The following SEPTIN6 variants were observed in gnomAD, a reference collection of about 807,000 sequenced individuals.
SEPTIN6 encodes the protein septin 6, also known as septin-6.
SEPTIN6 carries 8 observed loss-of-function variants against 33.6 expected under a neutral mutation model. That is an observed-to-expected ratio of 0.24 (90% confidence interval 0.14 to 0.43). SEPTIN6 has a LOEUF of 0.43. Ranked by LOEUF, SEPTIN6 falls within the 20% of genes least tolerant of loss-of-function variation. The pLI is 1.00. For missense variants in SEPTIN6, 250 were observed against 340.8 expected (o/e 0.73, Z 2.10); for synonymous variants, 131 against 140.0 (o/e 0.94, Z 0.45).
At chrX:119,658,553 T>C (rs1275379201) in intron 3 of SEPTIN6, among the ~76,000 whole-genome samples, 1 of 112,290 alleles carries the variant, frequency 8.9e-6, no homozygotes, top group Non-Finnish European at 1.9e-5. Context: ...GGCTGTATAC[T>C]TAAAAGGTGG....
chrX:119,668,847 T>C (rs2054694275), intron 2 of SEPTIN6, among the ~76,000 whole-genome samples: 1 of 111,413 alleles, frequency 9.0e-6, no homozygotes, highest in Non-Finnish European at 1.9e-5. Context: ...GAGTAAGTTC[T>C]TTAGTGGTGA....
chrX:119,660,063 G>T (rs747926907), intron 3 of SEPTIN6, among the ~76,000 whole-genome samples: 1,540 of 106,686 alleles, frequency 0.014, 13 homozygotes, highest in Non-Finnish European at 0.022. Context: ...TAGTAGAGAC[G>T]GGGGTTTCAC....
chrX:119,647,483 C>CTCTTTTTTTTT (rs376139472), intron 5 of SEPTIN6, among the ~76,000 whole-genome samples: 87 of 74,377 alleles, frequency 1.2e-3, no homozygotes, highest in African/African-American at 2.0e-3. Context: ...TTCTCTCTCT[C>CTCTTTTTTTTT]TTTTTTTTTT....
At chrX:119,687,215 T>C (rs141805139) in intron 1 of SEPTIN6, among the ~76,000 whole-genome samples, 445 of 109,142 alleles carry the variant, frequency 4.1e-3, no homozygotes, top group African/African-American at 0.014. Context: ...TTCCTTCTTT[T>C]TCCTTCTTTC....
In SEPTIN6 at chrX:119,652,938, G is replaced by A; in HGVS notation, c.444C>T (p.Ile148=). 2 of 1,209,206 alleles carry A rather than the reference G, an allele frequency of 1.7e-6. No homozygotes were observed. The highest frequency in any genetic ancestry group is 2.2e-6 in the Non-Finnish European group (2 of 893,815). ...RVLHTYHDSR[I]HVCLYFIAPT... ...GGGCAATGAAATACAAGCAGACATG[G>A]ATTCGGGAGTCATGGTAGGTGTGTA... Residue 148 remains isoleucine (I), a synonymous_variant, in exon 4 of 11, where the codon ATC becomes ATT. Transcript: ENST00000394610.
chrX:119,662,383 T>TTACTCC (rs1180547846), intron 3 of SEPTIN6, among the ~76,000 whole-genome samples: 3 of 111,946 alleles, frequency 2.7e-5, no homozygotes, highest in African/African-American at 9.7e-5. Flanking sequence ...CCTGGTTCTC[T>TTACTCC]TACGGAATGC....
At chrX:119,663,829 G>C (rs2054588420) in intron 2 of SEPTIN6, 152 bp from the exon 3 acceptor site, 1 of 441,335 alleles carries the variant, frequency 2.3e-6, no homozygotes, top group African/African-American at 2.5e-5. Flanking sequence ...TATGATGTCA[G>C]TTAAATGAAA....
chrX:119,647,483 C>CTTTTTTTTTTT (rs61037430), intron 5 of SEPTIN6, among the ~76,000 whole-genome samples: 7,273 of 73,669 alleles, frequency 0.099, 582 homozygotes, highest in Admixed American at 0.14. Flanking sequence ...TTCTCTCTCT[C>CTTTTTTTTTTT]TTTTTTTTTT....
chrX:119,676,328 G>A (rs1043142668), intron 1 of SEPTIN6, among the ~76,000 whole-genome samples: 1 of 110,173 alleles, frequency 9.1e-6, no homozygotes, highest in Non-Finnish European at 1.9e-5. Context: ...GCCAGGCATG[G>A]TGGTGGGTGC....
At chrX:119,638,517 G>T (rs191785306) in intron 6 of SEPTIN6, among the ~76,000 whole-genome samples, 19 of 111,644 alleles carry the variant, frequency 1.7e-4, no homozygotes, top group African/African-American at 5.9e-4. Flanking sequence ...ATTCTGTCTT[G>T]CAGGGTCTGG....
intron 3 of SEPTIN6, among the ~76,000 whole-genome samples, chrX:119,663,109 G>T (rs1407380955): frequency 8.9e-6 from 1 of 111,756 alleles, no homozygotes; most frequent in Non-Finnish European, 1.9e-5. Context: ...GAAATTATTT[G>T]CTTAAAACCG....
intron 7 of SEPTIN6, among the ~76,000 whole-genome samples, 158 bp downstream of exon 7, chrX:119,636,869 C>G (rs1333587731): frequency 9.0e-6 from 1 of 110,752 alleles, no homozygotes; most frequent in Non-Finnish European, 1.9e-5. Flanking sequence ...AAAGGGTGAA[C>G]AGGCAAGCAG....
chrX:119,678,941 A>T (rs780827069), intron 1 of SEPTIN6, among the ~76,000 whole-genome samples: 2 of 110,501 alleles, frequency 1.8e-5, no homozygotes, highest in South Asian at 7.7e-4. Context: ...AGAAGAAAAA[A>T]TTTTCTTTTC....
chrX:119,658,084 G>A (rs943807884), intron 3 of SEPTIN6, among the ~76,000 whole-genome samples: 9 of 111,942 alleles, frequency 8.0e-5, no homozygotes, highest in Admixed American at 2.8e-4. Flanking sequence ...CCGAGATAGC[G>A]CCACTGCACT....
At chrX:119,622,214 A>G (rs1384597673) in intron 10 of SEPTIN6, among the ~76,000 whole-genome samples, 2 of 111,910 alleles carry the variant, frequency 1.8e-5, no homozygotes, top group East Asian at 5.6e-4. Flanking sequence ...TGTGTATACT[A>G]TCCATATACT....
intron 5 of SEPTIN6, chrX:119,646,765 T>C (rs904195191): frequency 2.0e-5 from 6 of 302,894 alleles, no homozygotes; most frequent in African/African-American, 1.6e-4. Flanking sequence ...CTGGGGTGGC[T>C]GAGGCTGTGG....
chrX:119,618,772 C>T lies in SEPTIN6; in HGVS notation c.*1321G>A, dbSNP rs2053704012. 8.3e-7 allele frequency: 1 copy of T among 1,210,506 alleles called. No homozygotes were observed. Among genetic ancestry groups the T allele is most frequent in the Non-Finnish European group, 1.1e-6 (1 of 894,705 alleles). ...CTGTAGCGGGGAATACTATTCAGTA[C>T]ACAGCCATGGATTACTGCAAAGGAA... On this transcript the variant is annotated 3_prime_UTR_variant, in exon 11 of 11. Transcript: ENST00000394610.
chrX:119,677,202 C>T (rs1252466625), intron 1 of SEPTIN6, among the ~76,000 whole-genome samples: 2 of 112,142 alleles, frequency 1.8e-5, no homozygotes, highest in East Asian at 5.6e-4. Context: ...GTCAGCCAAG[C>T]CACTCCCAGC....
intron 5 of SEPTIN6, among the ~76,000 whole-genome samples, chrX:119,645,972 G>A (rs1219334639): frequency 8.9e-6 from 1 of 112,235 alleles, no homozygotes; most frequent in Non-Finnish European, 1.9e-5. Context: ...ATTGGCGTGA[G>A]TTACTTTATT....
Sources: allele counts gnomAD v4.1 joint callset (sites outside exome capture counted in the v4.1 genomes callset), GRCh38; gene constraint gnomAD v4.1.1; transcripts MANE v1.5; gene names NCBI Gene and HGNC (gene_info 2026-07-23, HGNC 2026-07-21).